The following PDE6G variants were observed in gnomAD, a reference collection of about 807,000 sequenced individuals.
The protein encoded by PDE6G is rod cGMP 3',5'-cyclic phosphodiesterase subunit gamma.
In PDE6G, 10 loss-of-function variants were observed where a neutral mutation model predicts 10.9. The ratio of observed to expected loss-of-function variants is 0.91; its 90% confidence interval spans 0.56 to 1.55. PDE6G has a LOEUF of 1.55. Ranked by LOEUF, PDE6G falls within the 40% of genes most tolerant of loss-of-function variation. The probability of loss-of-function intolerance (pLI) is 0.00; values close to 1 mark genes in which losing one functional copy is unlikely to be tolerated. For missense variants in PDE6G, 102 were observed against 110.1 expected (o/e 0.93, Z 0.33); for synonymous variants, 41 against 42.8 (o/e 0.96, Z 0.16).
chr17:81,656,595 G>T, upstream of PDE6G: 1 of 744,872 alleles, frequency 1.3e-6, no homozygotes, highest in Non-Finnish European at 2.4e-6. Flanking sequence ...AGCTGATTAG[G>T]CGTCTCAGTG....
chr17:81,652,319 C>T (rs897024351), intron 2 of PDE6G, among the ~76,000 whole-genome samples: 2 of 152,188 alleles, frequency 1.3e-5, no homozygotes, highest in Non-Finnish European at 2.9e-5. Context: ...CTCTGTCGCC[C>T]AGGCTGGAGT....
Position 81,653,937 on chromosome 17 carries a change from A to G in PDE6G, c.-59-573T>C, listed in dbSNP as rs1193669205. Among the ~76,000 whole-genome samples the G allele has an allele frequency of 5.3e-5, 8 of 151,912 alleles. No individual in the cohort carries two copies. The highest frequency in any genetic ancestry group is 1.0e-4 in the Non-Finnish European group (7 of 67,976). ...GTGATTCTCCTGCCTCAGCCTCCCC[A>G]GCAGCTGGGATTACCGGCGTCTGCC... On this transcript the variant is annotated intron_variant, in intron 1 of 3. Transcript: ENST00000331056. The surrounding 1 kb of genome is among the most constrained non-coding windows in gnomAD (Gnocchi z 5.2).
upstream of PDE6G, among the ~76,000 whole-genome samples, chr17:81,657,242 G>A (rs1247591937): frequency 6.6e-6 from 1 of 152,176 alleles, no homozygotes; most frequent in Non-Finnish European, 1.5e-5. Flanking sequence ...CCCACCAAAG[G>A]GGCGTGCTGG....
In PDE6G at chr17:81,650,511, A is replaced by G. The variant is rs116655732; in HGVS notation, c.*563T>C. On this transcript the variant is annotated 3_prime_UTR_variant, in exon 4 of 4. Transcript: ENST00000331056. ...AATAGGGACTGCAAGGGCAGGCTGT[A>G]TTGAGAAGGATGGCCCCCTGGTGTG... The G allele has an allele frequency of 5.9e-3, 2,696 of 453,910 alleles. 71 individuals are homozygous for G. The highest frequency in any genetic ancestry group is 0.049 in the African/African-American group (2,471 of 50,102). The allele number at this position is 453,910 out of a possible 1,614,324, so 28.1% of individuals were successfully genotyped here.
In PDE6G at chr17:81,650,875, TGAGGGG is replaced by T; in HGVS notation, c.*193_*198del. ...TGTTGAGCAGGGCCTGGCCAGCCCC[TGAGGGG>T]GCATCCTAGAGGGAGGTGGTGGGCT... On this transcript the variant is annotated 3_prime_UTR_variant, in exon 4 of 4. Transcript: ENST00000331056. 1 of 656,530 alleles carries T rather than the reference TGAGGGG, an allele frequency of 1.5e-6. No homozygotes were observed. Among genetic ancestry groups the T allele is most frequent in the Non-Finnish European group, 2.8e-6 (1 of 355,946 alleles). The allele number at this position is 656,530 out of a possible 1,614,324, so 40.7% of individuals were successfully genotyped here.
rs2144403108 is a variant in PDE6G at position 81,653,771 on chromosome 17, G to A, written c.-59-407C>T. The A allele has an allele frequency of 5.8e-6, 1 of 172,328 alleles. No individual in the cohort carries two copies. Among genetic ancestry groups the A allele is most frequent in the Middle Eastern group, 2.8e-3 (1 of 358 alleles). 10.7% of individuals were successfully genotyped at this position (172,328 alleles called of 1,614,324 possible). A position where few individuals can be genotyped will look rare whatever the true frequency, so the allele number is the denominator to read the frequency against. On this transcript the variant is annotated intron_variant, in intron 1 of 3. Transcript: ENST00000331056. This position sits in a 1 kb window ranked among gnomAD's most constrained non-coding sequence, Gnocchi z 5.2. Reference sequence around the variant, plus strand: ...TGCGTTCCCCACCCCAGGGAAGCGTGACTCCCGTCGGCATTTAACTGCTAC... The same window carrying A: ...TGCGTTCCCCACCCCAGGGAAGCGTAACTCCCGTCGGCATTTAACTGCTAC...
Position 81,653,308 on chromosome 17 carries a change from T to C in PDE6G, c.-3A>G. 2 of 1,611,784 alleles carry C rather than the reference T, an allele frequency of 1.2e-6. No homozygotes were observed. Among genetic ancestry groups the C allele is most frequent in the South Asian group, 1.1e-5 (1 of 91,060 alleles). On this transcript the variant is annotated 5_prime_UTR_variant, in exon 2 of 4. Coordinates refer to ENST00000331056, the MANE Select transcript of PDE6G (RefSeq NM_002602.4). The surrounding 1 kb of genome is among the most constrained non-coding windows in gnomAD (Gnocchi z 5.2). The stretch of plus-strand genomic sequence containing the variant: ...GCCTTGGGCGGTTCCAGGTTCATGG[T>C]GAGGCTGACGGAGACACCGCGGCAA...
chr17:81,662,958 G>A (rs1239496171), intron 1 of PDE6G: 3 of 152,236 alleles, frequency 2.0e-5, no homozygotes, highest in South Asian at 4.1e-4. Flanking sequence ...AGCAGTCCGC[G>A]GACTTGCTTT....
rs762193515 is a variant in PDE6G, at chr17:81,653,849, T to G, written c.-59-485A>C. 3.3e-5 allele frequency among the ~76,000 whole-genome samples: 5 copies of G among 152,184 alleles called. No homozygotes were observed. The highest frequency in any genetic ancestry group is 5.9e-5 in the Non-Finnish European group (4 of 68,018). The stretch of plus-strand genomic sequence containing the variant: ...TTTTGAGACAGAGTTTTGCTCTTGT[T>G]GCCTGGGCTGGAGTGCAGTGGCACT... On this transcript the variant is annotated intron_variant, in intron 1 of 3. Transcript: ENST00000331056. This position sits in a 1 kb window ranked among gnomAD's most constrained non-coding sequence, Gnocchi z 5.2.
In PDE6G at chr17:81,653,118, G is replaced by T; in HGVS notation, c.146+42C>A. 1 of 1,573,402 alleles carries T rather than the reference G, an allele frequency of 6.4e-7. No homozygotes were observed. Among genetic ancestry groups the T allele is most frequent in the Non-Finnish European group, 8.7e-7 (1 of 1,154,314 alleles). On this transcript the variant is annotated intron_variant, in intron 2 of 3. Coordinates refer to ENST00000331056, the MANE Select transcript of PDE6G (RefSeq NM_002602.4). The surrounding 1 kb of genome is among the most constrained non-coding windows in gnomAD (Gnocchi z 5.2). ...CCCCTTCCTGTGCAGCCTCAGGACC[G>T]CCTCCTCCCTTTCAGAGGCCCCATC... is the stretch of plus-strand genomic sequence containing the variant.
At chr17:81,657,417 A>T (rs2036461019), upstream of PDE6G, among the ~76,000 whole-genome samples, 1 of 152,220 alleles carries the variant, frequency 6.6e-6, no homozygotes, top group Non-Finnish European at 1.5e-5. Context: ...CGGATCCCAA[A>T]GTTTTAGACA....
chr17:81,654,388 T>A (rs2144404394), intron 1 of PDE6G, among the ~76,000 whole-genome samples: 1 of 150,370 alleles, frequency 6.7e-6, no homozygotes, highest in South Asian at 2.1e-4. Context: ...TCTTTTTTTT[T>A]TTTTTTTTTG....
chr17:81,659,151 C>CTTTTTT (rs779928637), upstream of PDE6G, among the ~76,000 whole-genome samples: 7 of 114,684 alleles, frequency 6.1e-5, no homozygotes, highest in Non-Finnish European at 6.9e-5. Flanking sequence ...CAATCCATAT[C>CTTTTTT]TTTTTTTTTT....
intron 1 of PDE6G, among the ~76,000 whole-genome samples, chr17:81,656,180 G>C (rs1442947078): frequency 6.6e-6 from 1 of 152,212 alleles, no homozygotes; most frequent in Non-Finnish European, 1.5e-5. Context: ...CGCTGCCTGC[G>C]CTGCCCTGGC....
In PDE6G at chr17:81,653,118, G is replaced by C; in HGVS notation, c.146+42C>G. ...CCCCTTCCTGTGCAGCCTCAGGACC[G>C]CCTCCTCCCTTTCAGAGGCCCCATC... On this transcript the variant is annotated intron_variant, in intron 2 of 3. Transcript: ENST00000331056. This position sits in a 1 kb window ranked among gnomAD's most constrained non-coding sequence, Gnocchi z 5.2. 1.3e-6 allele frequency: 2 copies of C among 1,573,400 alleles called. No homozygotes were observed. Among genetic ancestry groups the C allele is most frequent in the Non-Finnish European group, 8.7e-7 (1 of 1,154,312 alleles).
chr17:81,658,218 G>T (rs1454456562), upstream of PDE6G, among the ~76,000 whole-genome samples: 1 of 151,832 alleles, frequency 6.6e-6, no homozygotes, highest in Non-Finnish European at 1.5e-5. Context: ...CTGAGTAGCT[G>T]GGATTACAGG....
Position 81,650,806 on chromosome 17 carries a change from G to C in PDE6G, c.*268C>G. ...CTCCCTGGGAGTGGAGACCGACCAA[G>C]CCTCTCTGTGGGCAGGACTGAGGGG... On this transcript the variant is annotated 3_prime_UTR_variant, in exon 4 of 4. Coordinates refer to ENST00000331056, the MANE Select transcript of PDE6G (RefSeq NM_002602.4). 1 of 562,160 alleles carries C rather than the reference G, an allele frequency of 1.8e-6. No individual in the cohort carries two copies. The highest frequency in any genetic ancestry group is 1.5e-5 in the South Asian group (1 of 65,336). 34.8% of individuals were successfully genotyped at this position (562,160 alleles called of 1,614,324 possible).
chr17:81,654,575 G>T (rs2036418223), intron 1 of PDE6G, among the ~76,000 whole-genome samples: 1 of 151,696 alleles, frequency 6.6e-6, no homozygotes, highest in African/African-American at 2.4e-5. Context: ...GTACAGATGG[G>T]GTTTCACCAT....
chr17:81,650,807 C>G lies in PDE6G; in HGVS notation c.*267G>C, dbSNP rs957859040. On this transcript the variant is annotated 3_prime_UTR_variant, in exon 4 of 4. Coordinates refer to ENST00000331056, the MANE Select transcript of PDE6G (RefSeq NM_002602.4). ...TCCCTGGGAGTGGAGACCGACCAAG[C>G]CTCTCTGTGGGCAGGACTGAGGGGT... 8 of 563,534 alleles carry G rather than the reference C, an allele frequency of 1.4e-5. No homozygotes were observed. The African/African-American group carries it at 1.5e-4, about 11-fold the overall frequency. The allele number at this position is 563,534 out of a possible 1,614,324, so 34.9% of individuals were successfully genotyped here. A position where few individuals can be genotyped will look rare whatever the true frequency, so the allele number is the denominator to read the frequency against.
Sources: allele counts gnomAD v4.1 joint callset (sites outside exome capture counted in the v4.1 genomes callset), GRCh38; gene constraint gnomAD v4.1.1; non-coding constraint Gnocchi (gnomAD v3.1); transcripts MANE v1.5; gene names NCBI Gene and HGNC (gene_info 2026-07-23, HGNC 2026-07-21).